Variants in ZFPM2 observed in about 807,000 individuals in gnomAD.
ZFPM2 encodes zinc finger protein ZFPM2.
ZFPM2 carries 20 observed loss-of-function variants against 98.6 expected under a neutral mutation model. That is an observed-to-expected ratio of 0.20 (90% CI 0.14 to 0.29). The LOEUF is 0.29. ZFPM2 is among the 10% of genes least tolerant of loss of function. ZFPM2 has a pLI of 1.00. For missense variants in ZFPM2, 1,310 were observed against 1,388.6 expected (o/e 0.94, Z 0.90); for synonymous variants, 518 against 502.7 (o/e 1.03, Z -0.41).
chr8:105,744,996 G>A (rs527781531), intron 5 of ZFPM2, among the ~76,000 whole-genome samples: 3 of 152,210 alleles, frequency 2.0e-5, no homozygotes, highest in Admixed American at 6.5e-5. Flanking sequence ...TTATAGAAAC[G>A]CTATATCTTC....
intron 4 of ZFPM2, among the ~76,000 whole-genome samples, chr8:105,620,620 G>T (rs2130815671): frequency 6.6e-6 from 1 of 152,244 alleles, no homozygotes; most frequent in African/African-American, 2.4e-5. Flanking sequence ...TCTATGTCCT[G>T]AATGGTATTG....
At chr8:105,399,156 A>T (rs954866675) in intron 1 of ZFPM2, among the ~76,000 whole-genome samples, 18 of 152,288 alleles carry the variant, frequency 1.2e-4, no homozygotes, top group African/African-American at 4.3e-4. Flanking sequence ...CTTTTGTAGG[A>T]GTTTGTGGGC....
At chr8:105,708,266 AAAATT>A (rs1408550326) in intron 5 of ZFPM2, among the ~76,000 whole-genome samples, 25 of 152,232 alleles carry the variant, frequency 1.6e-4, no homozygotes, top group South Asian at 6.2e-4. Flanking sequence ...TGAAATATGA[AAAATT>A]AAATATTAAC....
intron 1 of ZFPM2, among the ~76,000 whole-genome samples, chr8:105,372,447 A>G (rs564323073): frequency 2.8e-4 from 43 of 152,334 alleles, no homozygotes; most frequent in African/African-American, 9.9e-4. Flanking sequence ...TTAGTATTGT[A>G]ACTTTTGAAG....
chr8:105,505,682 A>G (rs1163729442), intron 3 of ZFPM2, among the ~76,000 whole-genome samples: 1 of 152,148 alleles, frequency 6.6e-6, no homozygotes, highest in Non-Finnish European at 1.5e-5. Flanking sequence ...CTACATTTCA[A>G]ATATTATTAC....
intron 3 of ZFPM2, among the ~76,000 whole-genome samples, chr8:105,555,367 T>C (rs1814962099): frequency 6.6e-6 from 1 of 152,100 alleles, no homozygotes. Flanking sequence ...TGAGGTAATG[T>C]ATGTGAACGC....
chr8:105,513,488 G>A (rs77833557), intron 3 of ZFPM2, among the ~76,000 whole-genome samples: 167 of 152,260 alleles, frequency 1.1e-3, no homozygotes, highest in Non-Finnish European at 1.9e-3. Context: ...TCAGTAGTTA[G>A]TATCCTAGAT....
chr8:105,750,167 A>G lies in ZFPM2; in HGVS notation c.533-38551A>G, dbSNP rs1812443821. On this transcript the variant is annotated intron_variant, in intron 5 of 7. Transcript: ENST00000407775. ...AACTCCTGCAGACTGAATTACCTAC[A>G]TTTTACAGATTCAGAAACCAAATCT... Among the ~76,000 whole-genome samples, 5 of 152,016 alleles carry G rather than the reference A, an allele frequency of 3.3e-5. No homozygotes were observed. In the South Asian group the frequency reaches 8.3e-4, roughly 25 times the overall value.
chr8:105,654,928 T>C (rs989643503), intron 5 of ZFPM2, among the ~76,000 whole-genome samples: 2 of 152,222 alleles, frequency 1.3e-5, no homozygotes, highest in Non-Finnish European at 2.9e-5. Context: ...TTTTCTATGA[T>C]ATAAAGTTTA....
At chr8:105,730,378 A>G (rs1811901268) in intron 5 of ZFPM2, among the ~76,000 whole-genome samples, 1 of 151,796 alleles carries the variant, frequency 6.6e-6, no homozygotes, top group Non-Finnish European at 1.5e-5. Context: ...ACTCATATTT[A>G]GGTCCCACTG....
intron 5 of ZFPM2, among the ~76,000 whole-genome samples, chr8:105,711,487 T>A (rs1811396312): frequency 6.6e-6 from 1 of 152,078 alleles, no homozygotes; most frequent in Non-Finnish European, 1.5e-5. Flanking sequence ...CCTTAGTAGG[T>A]TTTGTCACCT....
chr8:105,570,464 T>C (rs894525939), intron 4 of ZFPM2, among the ~76,000 whole-genome samples: 3 of 152,140 alleles, frequency 2.0e-5, no homozygotes, highest in African/African-American at 7.2e-5. Context: ...AATTGAAATA[T>C]GTAGAAGCCA....
intron 2 of ZFPM2, among the ~76,000 whole-genome samples, chr8:105,424,068 G>A (rs1399854913): frequency 6.6e-6 from 1 of 152,082 alleles, no homozygotes; most frequent in Non-Finnish European, 1.5e-5. Context: ...CAAGTGATGG[G>A]TGCACCAAAA....
At chr8:105,703,745 A>G (rs1247736875) in intron 5 of ZFPM2, among the ~76,000 whole-genome samples, 1 of 152,206 alleles carries the variant, frequency 6.6e-6, no homozygotes, top group Non-Finnish European at 1.5e-5. Flanking sequence ...CAAGCATTTC[A>G]TTATAAAAAT....
intron 5 of ZFPM2, among the ~76,000 whole-genome samples, chr8:105,688,631 T>C (rs1810802222): frequency 6.6e-6 from 1 of 152,096 alleles, no homozygotes; most frequent in Admixed American, 6.5e-5. Context: ...ACAAATATGA[T>C]AGCACAGGAA....
intron 1 of ZFPM2, among the ~76,000 whole-genome samples, chr8:105,345,425 CTTTTTTTTTTT>C (rs10560485): frequency 1.0e-5 from 1 of 98,360 alleles, no homozygotes; most frequent in Non-Finnish European, 2.0e-5. Flanking sequence ...TCGTGATGTT[CTTTTTTTTTTT>C]TTTTTTTTTT....
intron 1 of ZFPM2, among the ~76,000 whole-genome samples, chr8:105,342,705 AAAAAG>A (rs1342788038): frequency 1.3e-5 from 2 of 152,074 alleles, no homozygotes; most frequent in African/African-American, 4.8e-5. Flanking sequence ...AATATAAGAA[AAAAAG>A]AAAAGAAAAA....
intron 4 of ZFPM2, among the ~76,000 whole-genome samples, chr8:105,570,611 C>T (rs1199021158): frequency 6.6e-6 from 1 of 152,112 alleles, no homozygotes; most frequent in Non-Finnish European, 1.5e-5. Flanking sequence ...TTGTGCCCTT[C>T]CTGATAATTT....
At chr8:105,718,646 C>T (rs551489048) in intron 5 of ZFPM2, among the ~76,000 whole-genome samples, 23 of 151,802 alleles carry the variant, frequency 1.5e-4, no homozygotes, top group Non-Finnish European at 2.4e-4. Context: ...TGACACAATA[C>T]GCATTTTTTT....
Sources: allele counts gnomAD v4.1 joint callset (sites outside exome capture counted in the v4.1 genomes callset), GRCh38; gene constraint gnomAD v4.1.1; transcripts MANE v1.5; gene names NCBI Gene and HGNC (gene_info 2026-07-23, HGNC 2026-07-21).